KCNAB1: variants seen among roughly 807,000 people sequenced by gnomAD.
KCNAB1 encodes the protein potassium voltage-gated channel subfamily A regulatory beta subunit 1.
KCNAB1 carries 35 observed loss-of-function variants against 64.6 expected under a neutral mutation model. The observed-to-expected ratio is 0.54, with a 90% CI of 0.41 to 0.72. The LOEUF (loss-of-function observed/expected upper bound fraction) is 0.72, where lower values mean the gene tolerates loss of function less well. KCNAB1 is among the 30% of genes least tolerant of loss of function. The pLI, the probability that KCNAB1 is intolerant of heterozygous loss-of-function variation, is 0.00. For missense variants in KCNAB1, 401 were observed against 512.9 expected, an observed-to-expected ratio of 0.78 and a Z score of 2.11; for synonymous variants, 177 against 183.8, an observed-to-expected ratio of 0.96 and a Z score of 0.30.
chr3:156,211,627 A>G (rs1389698084), intron 1 of KCNAB1, among the ~76,000 whole-genome samples: 1 of 152,240 alleles, frequency 6.6e-6, no homozygotes, highest in Non-Finnish European at 1.5e-5. Flanking sequence ...CTATCATATT[A>G]TGCCCCATGA....
intron 1 of KCNAB1, among the ~76,000 whole-genome samples, chr3:156,211,829 C>A (rs968340721): frequency 2.6e-5 from 4 of 152,134 alleles, no homozygotes; most frequent in Non-Finnish European, 5.9e-5. Context: ...GGCAGGTTGC[C>A]CAACAGAATT....
intron 1 of KCNAB1, among the ~76,000 whole-genome samples, chr3:156,277,376 G>A (rs1719404629): frequency 6.6e-6 from 1 of 151,982 alleles, no homozygotes; most frequent in African/African-American, 2.4e-5. Context: ...GTATGCTATT[G>A]GAAAAATGGC....
chr3:156,198,568 T>A (rs1191461240), intron 1 of KCNAB1, among the ~76,000 whole-genome samples: 1 of 152,144 alleles, frequency 6.6e-6, no homozygotes, highest in East Asian at 1.9e-4. Flanking sequence ...TTTTGGATCT[T>A]TGCTGGTTCA....
intron 1 of KCNAB1, among the ~76,000 whole-genome samples, chr3:156,253,936 A>G (rs1311619624): frequency 1.3e-5 from 2 of 152,222 alleles, no homozygotes; most frequent in Non-Finnish European, 2.9e-5. Context: ...GTGGGGGTAT[A>G]TGATGCATTT....
intron 1 of KCNAB1, among the ~76,000 whole-genome samples, chr3:156,289,612 C>A (rs754524366): frequency 6.6e-6 from 1 of 152,230 alleles, no homozygotes; most frequent in Non-Finnish European, 1.5e-5. Flanking sequence ...CTTTCCCCAA[C>A]CCTCACTGAT....
chr3:156,235,810 T>C (rs542881757), intron 1 of KCNAB1, among the ~76,000 whole-genome samples: 10 of 152,336 alleles, frequency 6.6e-5, no homozygotes, highest in African/African-American at 2.4e-4. Context: ...AGATAACTGC[T>C]TGGGTTGCTC....
chr3:156,404,323 AG>A (rs1714100388), intron 1 of KCNAB1, among the ~76,000 whole-genome samples: 1 of 151,980 alleles, frequency 6.6e-6, no homozygotes, highest in South Asian at 2.1e-4. Flanking sequence ...CTGAGTATGC[AG>A]TTATGCTTCA....
At chr3:156,300,579 C>A (rs544800046) in intron 1 of KCNAB1, among the ~76,000 whole-genome samples, 2 of 152,204 alleles carry the variant, frequency 1.3e-5, no homozygotes, top group Admixed American at 6.5e-5. Context: ...ATGGTATGTC[C>A]TTTCGTCTGC....
At chr3:156,231,907 G>A (rs1356058478) in intron 1 of KCNAB1, among the ~76,000 whole-genome samples, 2 of 152,098 alleles carry the variant, frequency 1.3e-5, no homozygotes, top group East Asian at 1.9e-4. Context: ...AAACCAAGCT[G>A]TACCCCAACA....
intron 1 of KCNAB1, among the ~76,000 whole-genome samples, chr3:156,362,544 T>C (rs1409342433): frequency 6.6e-6 from 1 of 152,196 alleles, no homozygotes; most frequent in Non-Finnish European, 1.5e-5. Flanking sequence ...ATCTGAAAAT[T>C]GGAAATAATA....
chr3:156,471,066 T>C (rs1421478160), intron 7 of KCNAB1, among the ~76,000 whole-genome samples: 1 of 152,212 alleles, frequency 6.6e-6, no homozygotes, highest in Admixed American at 6.5e-5. Context: ...GCAACTTTTT[T>C]TGCAAGCTAG....
chr3:156,395,584 A>AAAAAAAAAAAAAC (rs1713399123), intron 1 of KCNAB1, among the ~76,000 whole-genome samples: 1 of 139,104 alleles, frequency 7.2e-6, no homozygotes, highest in Non-Finnish European at 1.5e-5. Context: ...AAAAAAAAAA[A>AAAAAAAAAAAAAC]ATCAGACATT....
chr3:156,301,211 G>T (rs517497), intron 1 of KCNAB1, among the ~76,000 whole-genome samples: 28,954 of 149,088 alleles, frequency 0.19, 3,194 homozygotes, highest in Non-Finnish European at 0.27. Flanking sequence ...TTTATGTTTT[G>T]TTTTTTTTTT....
chr3:156,373,925 T>G (rs1025315708), intron 1 of KCNAB1, among the ~76,000 whole-genome samples: 3 of 152,202 alleles, frequency 2.0e-5, no homozygotes, highest in Non-Finnish European at 4.4e-5. Context: ...CAACTGTGTC[T>G]GTCCTGTGTG....
intron 1 of KCNAB1, among the ~76,000 whole-genome samples, chr3:156,167,643 A>G (rs1711668452): frequency 6.6e-6 from 1 of 152,214 alleles, no homozygotes; most frequent in African/African-American, 2.4e-5. Context: ...TTTATTGAAA[A>G]CAAAACAGCC....
At chr3:156,201,650 G>A (rs569919702) in intron 1 of KCNAB1, among the ~76,000 whole-genome samples, 2 of 152,214 alleles carry the variant, frequency 1.3e-5, no homozygotes, top group Admixed American at 6.5e-5. Context: ...ATGACATTGC[G>A]GCAGGGGAGG....
chr3:156,531,159 C>G (rs981217782), intron 12 of KCNAB1, among the ~76,000 whole-genome samples: 2 of 152,186 alleles, frequency 1.3e-5, no homozygotes, highest in African/African-American at 4.8e-5. Context: ...TGGAGAGAAT[C>G]TTACAATCCA....
chr3:156,287,496 G>A (rs62287662), intron 1 of KCNAB1, among the ~76,000 whole-genome samples: 3,712 of 152,048 alleles, frequency 0.024, 207 homozygotes, highest in South Asian at 0.22. Context: ...GACAACTATC[G>A]TTATCATTCA....
intron 1 of KCNAB1, among the ~76,000 whole-genome samples, chr3:156,398,702 C>T (rs1357336543): frequency 6.6e-6 from 1 of 151,220 alleles, no homozygotes; most frequent in Non-Finnish European, 1.5e-5. Context: ...ATGTTCAGCA[C>T]ATGTATCCCA....
Sources: gnomAD v4.1 joint callset for allele counts (sites outside exome capture counted in the v4.1 genomes callset) on GRCh38, gnomAD v4.1.1 for gene constraint, MANE v1.5 for transcripts, NCBI Gene and HGNC (gene_info 2026-07-23, HGNC 2026-07-21) for gene names.